TRIM66: variants seen among roughly 807,000 people sequenced by gnomAD.
The protein encoded by TRIM66 is tripartite motif containing 66, also known as tripartite motif-containing protein 66.
A neutral mutation model predicts 148.2 loss-of-function variants in TRIM66; 99 were observed. The ratio of observed to expected loss-of-function variants is 0.67; its 90% confidence interval spans 0.57 to 0.79. The LOEUF (loss-of-function observed/expected upper bound fraction) is 0.79, where lower values mean the gene tolerates loss of function less well. TRIM66 is among the 30% of genes least tolerant of loss of function. TRIM66 has a pLI of 0.00. For missense variants in TRIM66, 1,666 were observed against 1,697.9 expected (o/e 0.98, Z 0.33); for synonymous variants, 616 against 635.9 (o/e 0.97, Z 0.47).
Position 8,617,864 on chromosome 11 carries a change from G to A in TRIM66, c.*80C>T. ...ACTCATCTACCATCCACACTCTGAAGAGGATAAGCTGCAAGATGGGGAGGA... is the reference window on the plus strand; with the variant it reads ...ACTCATCTACCATCCACACTCTGAAAAGGATAAGCTGCAAGATGGGGAGGA... On this transcript the variant is annotated 3_prime_UTR_variant, in exon 25 of 25. Coordinates refer to ENST00000646038, the MANE Select transcript of TRIM66 (RefSeq NM_001388022.1). 2 of 1,356,004 alleles carry A rather than the reference G, an allele frequency of 1.5e-6. No individual in the cohort carries two copies. The highest frequency in any genetic ancestry group is 2.1e-6 in the Non-Finnish European group (2 of 969,576). 84.0% of individuals were successfully genotyped at this position (1,356,004 alleles called of 1,614,324 possible).
At chr11:8,666,548 A>G (rs2038611841) in intron 6 of TRIM66, among the ~76,000 whole-genome samples, 1 of 151,996 alleles carries the variant, frequency 6.6e-6, no homozygotes, top group African/African-American at 2.4e-5. Context: ...GAGGCATAGT[A>G]CAGAAGGCTT....
chr11:8,619,995 T>C (rs1317890970), intron 22 of TRIM66, 55 bp downstream of exon 22: 1 of 1,465,862 alleles, frequency 6.8e-7, no homozygotes, highest in Non-Finnish European at 9.3e-7. Flanking sequence ...GGTAGCAGTA[T>C]AGGCACAAAT....
chr11:8,619,400 A>G lies in TRIM66; in HGVS notation c.3883T>C (p.Cys1295Arg). 1 of 1,520,666 alleles carries G rather than the reference A, an allele frequency of 6.6e-7. No individual in the cohort carries two copies. Among genetic ancestry groups the G allele is most frequent in the Non-Finnish European group, 8.8e-7 (1 of 1,135,146 alleles). The allele number at this position is 1,520,666 out of a possible 1,614,324, so 94.2% of individuals were successfully genotyped here. Residue 1295 changes from cysteine to arginine, a missense_variant, in exon 23 of 25, where the codon TGT becomes CGT. Transcript: ENST00000646038. ...AGACATACATAATTGAACTTAGCAC[A>G]GTTCCAGAACATGAGGCGCACATCT... ...VSDVRLMFWNCAKFNYPDSEV... is the reference protein window; with the variant it reads ...VSDVRLMFWNRAKFNYPDSEV...
intron 4 of TRIM66, among the ~76,000 whole-genome samples, chr11:8,672,965 A>G (rs1592210670): frequency 1.6e-4 from 15 of 95,720 alleles, no homozygotes; most frequent in Admixed American, 2.5e-4. Flanking sequence ...TTTAAGATGG[A>G]GTCTTGCTCT....
intron 3 of TRIM66, chr11:8,678,047 C>T (rs1378907588): frequency 6.6e-6 from 1 of 152,172 alleles, no homozygotes; most frequent in Non-Finnish European, 1.5e-5. Context: ...AAACTGGAAA[C>T]TGTACATATT....
At chr11:8,652,819 C>T (rs1019066959) in intron 6 of TRIM66, among the ~76,000 whole-genome samples, 50 of 152,332 alleles carry the variant, frequency 3.3e-4, no homozygotes, top group African/African-American at 1.2e-3. Context: ...TCCTCTGTCT[C>T]ATCTCTTCAA....
In TRIM66 at chr11:8,615,641, T is replaced by TAG. The variant is rs2033673637; in HGVS notation, c.*2302_*2303insCT. 1.3e-5 allele frequency: 2 copies of TAG among 151,570 alleles called. No homozygotes were observed. Among genetic ancestry groups the TAG allele is most frequent in the Non-Finnish European group, 2.9e-5 (2 of 67,928 alleles). 9.4% of individuals were successfully genotyped at this position (151,570 alleles called of 1,614,324 possible). The stretch of plus-strand genomic sequence containing the variant: ...AAAGGAAAAGCCAGCGAGAGGCAGG[T>TAG]GTGTAAAGGGAGCCTCTCAGCATGC... On this transcript the variant is annotated 3_prime_UTR_variant, in exon 25 of 25. Coordinates refer to ENST00000646038, the MANE Select transcript of TRIM66 (RefSeq NM_001388022.1).
chr11:8,663,268 G>T (rs1003252393), intron 6 of TRIM66: 1 of 152,160 alleles, frequency 6.6e-6, no homozygotes, highest in African/African-American at 2.4e-5. Flanking sequence ...TTAAAGATTT[G>T]CACTTGATCC....
Position 8,624,552 on chromosome 11 carries a change from C to G in TRIM66, c.2827-1G>C. 6.6e-7 allele frequency: 1 copy of G among 1,521,736 alleles called. No homozygotes were observed. Among genetic ancestry groups the G allele is most frequent in the Non-Finnish European group, 8.8e-7 (1 of 1,135,154 alleles). 94.3% of individuals were successfully genotyped at this position (1,521,736 alleles called of 1,614,324 possible). Reference sequence around the variant, plus strand: ...AGCGAGTGGAATCCTCACTTTCCATCTTTCAAAAGTGAAATGTCGACAAGA... The same window carrying G: ...AGCGAGTGGAATCCTCACTTTCCATGTTTCAAAAGTGAAATGTCGACAAGA... On this transcript the variant is annotated splice_acceptor_variant, in intron 16 of 24. Coordinates refer to ENST00000646038, the MANE Select transcript of TRIM66 (RefSeq NM_001388022.1). LOFTEE classifies it high-confidence loss of function.
intron 4 of TRIM66, among the ~76,000 whole-genome samples, 182 bp downstream of exon 4, chr11:8,674,624 C>T (rs887575442): frequency 3.9e-5 from 6 of 152,014 alleles, no homozygotes; most frequent in South Asian, 2.1e-4. Context: ...TGGACTCAAG[C>T]GATCCTCCAT....
intron 18 of TRIM66, among the ~76,000 whole-genome samples, chr11:8,622,595 TGCAAGGGCG>T (rs549687459): frequency 0.016 from 2,420 of 151,520 alleles, 35 homozygotes; most frequent in Non-Finnish European, 0.022. Context: ...CTCCCTGAAG[TGCAAGGGCG>T]GCACCCAGAG....
chr11:8,669,386 G>A (rs1399088963), intron 6 of TRIM66, among the ~76,000 whole-genome samples: 1 of 152,216 alleles, frequency 6.6e-6, no homozygotes, highest in Admixed American at 6.5e-5. Context: ...GCTCACGCCT[G>A]TAATCCCAGC....
chr11:8,681,968 C>T (rs2039453307), intron 1 of TRIM66, among the ~76,000 whole-genome samples: 2 of 152,118 alleles, frequency 1.3e-5, no homozygotes, highest in African/African-American at 4.8e-5. Flanking sequence ...CACTATGTTG[C>T]CCAGGCTGGT....
chr11:8,649,338 C>CA (rs963381909), intron 8 of TRIM66, among the ~76,000 whole-genome samples: 21 of 148,054 alleles, frequency 1.4e-4, no homozygotes, highest in East Asian at 3.9e-4. Flanking sequence ...GACTCCATCT[C>CA]AAAAAAAAAT....
intron 15 of TRIM66, among the ~76,000 whole-genome samples, chr11:8,636,264 C>A (rs989455370): frequency 3.3e-5 from 5 of 151,974 alleles, no homozygotes; most frequent in African/African-American, 1.2e-4. Flanking sequence ...GCCACCCCCA[C>A]CCCTTCCCCA....
At chr11:8,644,712 C>T (rs1200526680) in intron 12 of TRIM66, among the ~76,000 whole-genome samples, 1 of 152,194 alleles carries the variant, frequency 6.6e-6, no homozygotes, top group Non-Finnish European at 1.5e-5. Context: ...TCCCCCAACT[C>T]TGCCATCTTC....
chr11:8,639,920 A>G (rs1008801205), intron 14 of TRIM66, among the ~76,000 whole-genome samples: 1 of 152,176 alleles, frequency 6.6e-6, no homozygotes, highest in African/African-American at 2.4e-5. Flanking sequence ...GCAGGAGTTC[A>G]GCACAGCTCA....
chr11:8,621,413 A>C, intron 19 of TRIM66, 92 bp from the exon 20 acceptor site: 9 of 1,431,012 alleles, frequency 6.3e-6, no homozygotes, highest in Non-Finnish European at 8.3e-6. Flanking sequence ...CTGCATGCCT[A>C]CATGAGAGCC....
chr11:8,665,652 T>C (rs1481257581), intron 6 of TRIM66, among the ~76,000 whole-genome samples: 3 of 152,000 alleles, frequency 2.0e-5, no homozygotes, highest in African/African-American at 4.8e-5. Context: ...GTCCTAATAG[T>C]TCCAAGTAAT....
Sources: allele counts gnomAD v4.1 joint callset (sites outside exome capture counted in the v4.1 genomes callset), GRCh38; gene constraint gnomAD v4.1.1; transcripts MANE v1.5; gene names NCBI Gene and HGNC (gene_info 2026-07-23, HGNC 2026-07-21).